Variants in PAQR5 observed in about 807,000 individuals in gnomAD.
PAQR5 encodes the protein membrane progestin receptor gamma.
PAQR5 carries 20 observed loss-of-function variants against 34.5 expected under a neutral mutation model. That is an observed-to-expected ratio of 0.58 (90% CI 0.41 to 0.84). The LOEUF (loss-of-function observed/expected upper bound fraction) is 0.84. Among genes scored for constraint, PAQR5 ranks in the 40% least tolerant of loss-of-function variants. PAQR5 has a pLI of 0.00. For missense variants in PAQR5, 378 were observed against 412.7 expected (o/e 0.92, Z 0.73); for synonymous variants, 131 against 155.6 (o/e 0.84, Z 1.18).
At chr15:69,383,561 G>T (rs2055994187) in intron 4 of PAQR5, among the ~76,000 whole-genome samples, 1 of 142,028 alleles carries the variant, frequency 7.0e-6, no homozygotes. Context: ...TATTCATGGT[G>T]GAGGGTTAGT....
intron 3 of PAQR5, among the ~76,000 whole-genome samples, chr15:69,361,815 A>C (rs771574946): frequency 3.9e-5 from 6 of 152,148 alleles, no homozygotes; most frequent in Non-Finnish European, 7.3e-5. Context: ...AAATTATATC[A>C]GGGAGGAAGT....
At chr15:69,323,501 C>T (rs2054176478) in intron 1 of PAQR5, among the ~76,000 whole-genome samples, 1 of 152,192 alleles carries the variant, frequency 6.6e-6, no homozygotes, top group African/African-American at 2.4e-5. Flanking sequence ...TAGAGTAAGG[C>T]TCACCTGTGA....
chr15:69,302,899 T>C (rs2053636160), intron 1 of PAQR5, among the ~76,000 whole-genome samples: 1 of 152,212 alleles, frequency 6.6e-6, no homozygotes, highest in South Asian at 2.1e-4. Flanking sequence ...CCAGAGTCTC[T>C]AAGCTGGACT....
intron 1 of PAQR5, among the ~76,000 whole-genome samples, chr15:69,318,337 T>C (rs1264768745): frequency 6.6e-6 from 1 of 152,198 alleles, no homozygotes; most frequent in African/African-American, 2.4e-5. Flanking sequence ...GTGTCAGACA[T>C]TATGCAGCCA....
At chr15:69,312,574 G>C (rs1237530750) in intron 1 of PAQR5, among the ~76,000 whole-genome samples, 5 of 151,534 alleles carry the variant, frequency 3.3e-5, no homozygotes, top group African/African-American at 1.2e-4. Context: ...CATCTGAAGT[G>C]AGCCTCAGCC....
chr15:69,331,521 G>C (rs183769188), intron 1 of PAQR5, among the ~76,000 whole-genome samples: 2 of 152,120 alleles, frequency 1.3e-5, no homozygotes, highest in Non-Finnish European at 2.9e-5. Context: ...GGGATCTCAG[G>C]AGAGGTTGCT....
At chr15:69,399,752 G>A (rs571909064) in intron 7 of PAQR5, among the ~76,000 whole-genome samples, 19 of 152,184 alleles carry the variant, frequency 1.2e-4, no homozygotes, top group African/African-American at 1.2e-4. Context: ...AGTCTCAATC[G>A]ACCACACTCA....
rs893560353 is a variant in PAQR5, at chr15:69,404,886, G to A, written c.*1064G>A. ...CACTAGGTTAAATGTAGGTTTTGTA[G>A]AGGAGATCTGCACTGGAGCAAGTCT... On this transcript the variant is annotated 3_prime_UTR_variant, in exon 9 of 9. Coordinates refer to ENST00000395407, the MANE Select transcript of PAQR5 (RefSeq NM_017705.4). 5.0e-6 allele frequency: 2 copies of A among 398,220 alleles called. No individual in the cohort carries two copies. Among genetic ancestry groups the A allele is most frequent in the Non-Finnish European group, 8.9e-6 (2 of 225,976 alleles). 24.7% of individuals were successfully genotyped at this position (398,220 alleles called of 1,614,324 possible).
intron 2 of PAQR5, among the ~76,000 whole-genome samples, chr15:69,357,622 C>T (rs1033145173): frequency 1.3e-5 from 2 of 152,170 alleles, no homozygotes; most frequent in African/African-American, 4.8e-5. Flanking sequence ...TTTGTTCATT[C>T]ATCCTTTAAT....
chr15:69,390,361 T>TTTA (rs1448162127), intron 6 of PAQR5, among the ~76,000 whole-genome samples: 1 of 120,750 alleles, frequency 8.3e-6, no homozygotes, highest in Non-Finnish European at 1.8e-5. Flanking sequence ...TATTTATTTA[T>TTTA]TTTTTTGAGA....
At chr15:69,302,647 G>A (rs1005598489) in intron 1 of PAQR5, among the ~76,000 whole-genome samples, 10 of 152,150 alleles carry the variant, frequency 6.6e-5, no homozygotes, top group Admixed American at 1.3e-4. Context: ...TGTGACCCCT[G>A]GACTCCTCAG....
At chr15:69,302,720 G>A (rs532233108) in intron 1 of PAQR5, among the ~76,000 whole-genome samples, 1 of 152,246 alleles carries the variant, frequency 6.6e-6, no homozygotes, top group African/African-American at 2.4e-5. Context: ...AGTCAGTTCT[G>A]TTTCCTGGAG....
At position 69,405,169 on chromosome 15, in the gene PAQR5, TGCGGA is replaced by T. The variant is rs2140285982; in HGVS notation, c.*1348_*1352del. On this transcript the variant is annotated 3_prime_UTR_variant, in exon 9 of 9. Coordinates refer to ENST00000395407, the MANE Select transcript of PAQR5 (RefSeq NM_017705.4). ...ATGGTGTTTTCAGGGAACACAGAAA[TGCGGA>T]TGCAAAACAACTTTTGACAGAGGCC... is the stretch of plus-strand genomic sequence containing the variant. The T allele has an allele frequency of 7.6e-6, 3 of 393,078 alleles. No homozygotes were observed. The highest frequency in any genetic ancestry group is 4.1e-5 in the African/African-American group (2 of 48,628). 24.3% of individuals were successfully genotyped at this position (393,078 alleles called of 1,614,324 possible). A position where few individuals can be genotyped will look rare whatever the true frequency, so the allele number is the denominator to read the frequency against.
intron 1 of PAQR5, among the ~76,000 whole-genome samples, chr15:69,303,196 G>A (rs760929717): frequency 6.6e-5 from 10 of 152,180 alleles, no homozygotes; most frequent in Non-Finnish European, 1.5e-4. Flanking sequence ...CAGAGGCGAG[G>A]AGTGACTCTT....
intron 6 of PAQR5, among the ~76,000 whole-genome samples, chr15:69,390,264 C>T (rs1327303890): frequency 1.3e-5 from 2 of 152,178 alleles, no homozygotes; most frequent in African/African-American, 4.8e-5. Context: ...AATCCACCCA[C>T]CTTGGCCCTC....
intron 2 of PAQR5, among the ~76,000 whole-genome samples, chr15:69,347,925 G>A (rs1308524187): frequency 6.6e-6 from 1 of 152,142 alleles, no homozygotes; most frequent in African/African-American, 2.4e-5. Flanking sequence ...TGAATTTTTA[G>A]GGTGACACAA....
chr15:69,312,710 T>A (rs870336), intron 1 of PAQR5, among the ~76,000 whole-genome samples: 61,785 of 149,492 alleles, frequency 0.41, 13,047 homozygotes, highest in African/African-American at 0.52. Flanking sequence ...ACTTGAGAAA[T>A]AAAAAAAAGA....
intron 4 of PAQR5, among the ~76,000 whole-genome samples, chr15:69,380,896 T>TG (rs1018988255): frequency 9.2e-5 from 14 of 152,206 alleles, no homozygotes; most frequent in African/African-American, 3.4e-4. Context: ...TGAGAAGAGA[T>TG]GAGGAGTGTG....
chr15:69,318,894 G>A (rs530186122), intron 1 of PAQR5, among the ~76,000 whole-genome samples: 1 of 151,828 alleles, frequency 6.6e-6, no homozygotes, highest in Non-Finnish European at 1.5e-5. Flanking sequence ...ACTTTGGGAG[G>A]CCGAGGCAGG....
Sources: gnomAD v4.1 joint callset for allele counts (sites outside exome capture counted in the v4.1 genomes callset) on GRCh38, gnomAD v4.1.1 for gene constraint, MANE v1.5 for transcripts, NCBI Gene and HGNC (gene_info 2026-07-23, HGNC 2026-07-21) for gene names.